RBFOX1: variants seen among roughly 807,000 people sequenced by gnomAD.
RBFOX1 encodes RNA binding protein fox-1 homolog 1.
In RBFOX1, 8 loss-of-function variants were observed where a neutral mutation model predicts 57.7. The observed-to-expected ratio is 0.14, with a 90% CI of 0.08 to 0.25. RBFOX1 has a LOEUF of 0.25. Ranked by LOEUF, RBFOX1 falls within the 10% of genes least tolerant of loss-of-function variation. The probability of loss-of-function intolerance (pLI) is 1.00; values close to 1 mark genes in which losing one functional copy is unlikely to be tolerated. For synonymous variants in RBFOX1, 326 were observed against 222.4 expected, an observed-to-expected ratio of 1.47 and a Z score of -4.15; for missense variants, 611 against 548.5, an observed-to-expected ratio of 1.11 and a Z score of -1.14.
chr16:7,577,067 AGTGTTGCTCTTC>A (rs1475229871), intron 5 of RBFOX1, among the ~76,000 whole-genome samples: 1 of 152,056 alleles, frequency 6.6e-6, no homozygotes, highest in Non-Finnish European at 1.5e-5. Flanking sequence ...TCAGTGTTAC[AGTGTTGCTCTTC>A]GACTATCACA....
rs572022416 is a variant in RBFOX1, at chr16:7,297,349, T to C, written c.28-220798T>C. On this transcript the variant is annotated intron_variant, in intron 4 of 15. Coordinates refer to ENST00000550418, the MANE Select transcript of RBFOX1 (RefSeq NM_018723.4). ...ATCCCTTCTCTTCTCCAGAAACATATGCAGGTTTCCAACCTGGCAGTCTGT... is the reference window on the plus strand; with the variant it reads ...ATCCCTTCTCTTCTCCAGAAACATACGCAGGTTTCCAACCTGGCAGTCTGT... 1.2e-4 allele frequency among the ~76,000 whole-genome samples: 18 copies of C among 152,316 alleles called. No homozygotes were observed. The South Asian group carries it at 3.1e-3, about 26-fold the overall frequency.
intron 1 of RBFOX1, among the ~76,000 whole-genome samples, chr16:6,266,893 C>G (rs143929546): frequency 8.5e-5 from 13 of 152,246 alleles, no homozygotes; most frequent in African/African-American, 2.9e-4. Context: ...AGGCAGGAAG[C>G]TTGATTGATT....
intron 3 of RBFOX1, among the ~76,000 whole-genome samples, chr16:7,014,957 G>T (rs192462306): frequency 6.6e-6 from 1 of 152,038 alleles, no homozygotes; most frequent in African/African-American, 2.4e-5. Flanking sequence ...AACTGCTGAC[G>T]TTGTGATATA....
At chr16:6,580,205 C>T (rs1486882288) in intron 2 of RBFOX1, among the ~76,000 whole-genome samples, 1 of 152,178 alleles carries the variant, frequency 6.6e-6, no homozygotes, top group Non-Finnish European at 1.5e-5. Flanking sequence ...AATCTGCCCT[C>T]CTCAGCCTCC....
intron 4 of RBFOX1, among the ~76,000 whole-genome samples, chr16:7,088,474 T>C (rs1222390098): frequency 2.0e-5 from 3 of 152,122 alleles, no homozygotes; most frequent in Non-Finnish European, 2.9e-5. Context: ...ACAAGATTGG[T>C]CTTGAAAAAG....
intron 4 of RBFOX1, among the ~76,000 whole-genome samples, chr16:7,146,151 G>A (rs1007849117): frequency 6.6e-6 from 1 of 152,196 alleles, no homozygotes; most frequent in African/African-American, 2.4e-5. Flanking sequence ...ATGGCACAGT[G>A]TCGTTTACCC....
intron 4 of RBFOX1, among the ~76,000 whole-genome samples, chr16:7,468,339 C>T (rs73500331): frequency 0.027 from 4,079 of 152,200 alleles, 170 homozygotes; most frequent in African/African-American, 0.093. Flanking sequence ...ACAATAAATT[C>T]TTCTCCCCTG....
intron 3 of RBFOX1, among the ~76,000 whole-genome samples, chr16:5,611,046 C>T (rs2047765850): frequency 6.6e-6 from 1 of 152,130 alleles, no homozygotes; most frequent in South Asian, 2.1e-4. Flanking sequence ...AGTCTGTTTC[C>T]ATATCTCCCC....
intron 3 of RBFOX1, among the ~76,000 whole-genome samples, chr16:6,688,432 C>T (rs1466372297): frequency 3.3e-5 from 5 of 152,052 alleles, no homozygotes; most frequent in Non-Finnish European, 7.4e-5. Flanking sequence ...AGATGCAAAC[C>T]GTATTACCTG....
chr16:7,366,940 T>C (rs887713645), intron 4 of RBFOX1, among the ~76,000 whole-genome samples: 3 of 152,212 alleles, frequency 2.0e-5, no homozygotes, highest in Non-Finnish European at 2.9e-5. Context: ...GTTTACTCTT[T>C]TAAAAATGAA....
chr16:6,801,607 C>G (rs539463306), intron 3 of RBFOX1, among the ~76,000 whole-genome samples: 10 of 151,904 alleles, frequency 6.6e-5, no homozygotes, highest in Non-Finnish European at 1.5e-4. Flanking sequence ...GGCCAGGAGA[C>G]TCATGTGTCC....
chr16:7,234,612 A>G (rs1005974937), intron 4 of RBFOX1, among the ~76,000 whole-genome samples: 236 of 148,492 alleles, frequency 1.6e-3, no homozygotes, highest in African/African-American at 4.5e-3. Context: ...GTGTGTGTAT[A>G]TATATGTTTG....
intron 4 of RBFOX1, among the ~76,000 whole-genome samples, chr16:7,091,455 A>G (rs2060840542): frequency 6.6e-6 from 1 of 151,866 alleles, no homozygotes. Flanking sequence ...TTTCTGAGGG[A>G]TGTTGAAAAG....
At chr16:5,758,257 A>T (rs539045120) in intron 3 of RBFOX1, among the ~76,000 whole-genome samples, 4 of 152,254 alleles carry the variant, frequency 2.6e-5, no homozygotes, top group South Asian at 4.1e-4. Context: ...GGGGGGAAAA[A>T]GTTGAAGGCG....
At chr16:6,052,687 G>C (rs1018181413) in intron 1 of RBFOX1, among the ~76,000 whole-genome samples, 1 of 151,950 alleles carries the variant, frequency 6.6e-6, no homozygotes, top group Non-Finnish European at 1.5e-5. Flanking sequence ...GGGAGGCTGA[G>C]GCAGGAGAAT....
chr16:6,999,200 TTTTTTATTTTTATTTATTTTTTTTA>T (rs199951059), intron 3 of RBFOX1, among the ~76,000 whole-genome samples: 5 of 96,846 alleles, frequency 5.2e-5, no homozygotes, highest in East Asian at 4.3e-4. Context: ...TTTTATTTTA[TTTTTTATTTTTATTTATTTTTTTTA>T]TTTATTTTTT....
At chr16:5,366,044 C>G (rs1883034959) in intron 1 of RBFOX1, 2 of 483,284 alleles carry the variant, frequency 4.1e-6, no homozygotes, top group Admixed American at 2.2e-5. Context: ...AATGTCTGTA[C>G]AGCAATGGTT....
At chr16:6,624,455 C>G (rs1470347117) in intron 2 of RBFOX1, among the ~76,000 whole-genome samples, 7 of 152,074 alleles carry the variant, frequency 4.6e-5, no homozygotes, top group Non-Finnish European at 5.9e-5. Context: ...GTGAATCAAC[C>G]ACAGCCCTTC....
intron 3 of RBFOX1, among the ~76,000 whole-genome samples, chr16:6,911,135 A>G (rs942841145): frequency 6.6e-6 from 1 of 151,638 alleles, no homozygotes; most frequent in Non-Finnish European, 1.5e-5. Context: ...TGGGAAGTGG[A>G]AGTTGGAGTG....
Sources: gnomAD v4.1 joint callset for allele counts (sites outside exome capture counted in the v4.1 genomes callset) on GRCh38, gnomAD v4.1.1 for gene constraint, MANE v1.5 for transcripts, NCBI Gene and HGNC (gene_info 2026-07-23, HGNC 2026-07-21) for gene names.